TBC1D9B: variants seen among roughly 807,000 people sequenced by gnomAD.
The protein encoded by TBC1D9B is TBC1 domain family member 9B, also known as TBC1 domain family, member 9B (with GRAM domain).
TBC1D9B carries 87 observed loss-of-function variants against 121.1 expected under a neutral mutation model. The ratio of observed to expected loss-of-function variants is 0.72; its 90% CI spans 0.60 to 0.86. The LOEUF (loss-of-function observed/expected upper bound fraction) is 0.86, where lower values mean the gene tolerates loss of function less well. Among genes scored for constraint, TBC1D9B ranks in the 40% least tolerant of loss-of-function variants. TBC1D9B has a pLI of 0.00. For synonymous variants in TBC1D9B, 668 were observed against 670.1 expected, an observed-to-expected ratio of 1.00 and a Z score of 0.05; for missense variants, 1,540 against 1,628.6, an observed-to-expected ratio of 0.95 and a Z score of 0.94.
Position 179,891,004 on chromosome 5 carries a change from T to C in TBC1D9B, c.1044+375A>G, listed in dbSNP as rs1413089571. On this transcript the variant is annotated intron_variant, in intron 6 of 20. Coordinates refer to ENST00000355235, the MANE Select transcript of TBC1D9B (RefSeq NM_015043.4). This position sits in a 1 kb window ranked among gnomAD's most constrained non-coding sequence, Gnocchi z 4.3. ...TGAGGTGGCCTCTGAGAGTGACATA[T>C]GGGACCGGTGCAGGAACACGGTCCT... Among the ~76,000 whole-genome samples, 1 of 152,180 alleles carries C rather than the reference T, an allele frequency of 6.6e-6. No homozygotes were observed. Among genetic ancestry groups the C allele is most frequent in the African/African-American group, 2.4e-5 (1 of 41,446 alleles).
chr5:179,863,918 C>T lies in TBC1D9B; in HGVS notation c.3232G>A (p.Ala1078Thr), dbSNP rs113335971. 106 of 1,613,776 alleles carry T rather than the reference C, an allele frequency of 6.6e-5. 1 individual carries two copies. The Middle Eastern group carries it at 3.5e-3, about 53-fold the overall frequency. ...GCTGGGGGCTGAAGCTCCCTGGCTG[C>T]GTCCTGATGCAGTTCGGGTGCTGGT... ...EPPAPELHQD[A>T]ARELQPPAAG... Residue 1078 changes from alanine to threonine, a missense_variant, in exon 21 of 21, where the codon GCA becomes ACA. Coordinates refer to ENST00000355235, the MANE Select transcript of TBC1D9B (RefSeq NM_015043.4). The surrounding 1 kb of genome is among the most constrained non-coding windows in gnomAD (Gnocchi z 4.5).
At chr5:179,887,305 A>C (rs958863819) in intron 7 of TBC1D9B, among the ~76,000 whole-genome samples, 1 of 152,214 alleles carries the variant, frequency 6.6e-6, no homozygotes. Context: ...AATAAACAGC[A>C]CCTCAAGCCT....
chr5:179,871,427 T>C, intron 15 of TBC1D9B, 35 bp downstream of exon 15: 6 of 1,605,092 alleles, frequency 3.7e-6, no homozygotes, highest in Non-Finnish European at 4.3e-6. Flanking sequence ...GCTAGGAAGC[T>C]AGGAACGGGT....
intron 7 of TBC1D9B, among the ~76,000 whole-genome samples, chr5:179,881,769 A>T (rs984774575): frequency 6.6e-6 from 1 of 152,010 alleles, no homozygotes; most frequent in Non-Finnish European, 1.5e-5. Flanking sequence ...ATAGTTTCTT[A>T]GTCCTCTCTT....
intron 6 of TBC1D9B, 129 bp from the exon 7 acceptor site, chr5:179,888,441 C>A: frequency 1.0e-6 from 1 of 964,110 alleles, no homozygotes; most frequent in East Asian, 2.6e-5. Context: ...CCCAACTGTC[C>A]TCACATTCTG....
At chr5:179,866,459 TC>T (rs2113600327) in intron 18 of TBC1D9B, 1 of 152,484 alleles carries the variant, frequency 6.6e-6, no homozygotes, top group Non-Finnish European at 1.5e-5. Flanking sequence ...CTGGAGCTGT[TC>T]CCCAAAGGCA....
At chr5:179,880,627 G>A (rs1760514732) in intron 7 of TBC1D9B, among the ~76,000 whole-genome samples, 1 of 152,138 alleles carries the variant, frequency 6.6e-6, no homozygotes, top group Non-Finnish European at 1.5e-5. Context: ...TGTGGTGATG[G>A]CTTCATGGGC....
Position 179,863,417 on chromosome 5 carries a change from C to T in TBC1D9B, c.*31G>A. 1.3e-6 allele frequency: 2 copies of T among 1,599,032 alleles called. No individual in the cohort carries two copies. The highest frequency in any genetic ancestry group is 2.2e-5 in the East Asian group (1 of 44,786). ...GAGATGAGGCCAGCCCCACTGATGA[C>T]ACCTTGGGCCAGGCCTCACAGCTGC... On this transcript the variant is annotated 3_prime_UTR_variant, in exon 21 of 21. Transcript: ENST00000355235. The surrounding 1 kb of genome is among the most constrained non-coding windows in gnomAD (Gnocchi z 4.5).
chr5:179,881,945 C>CTTTTTTTTTTTTTTTTTTTTT (rs1561640797), intron 7 of TBC1D9B, among the ~76,000 whole-genome samples: 1 of 139,262 alleles, frequency 7.2e-6, no homozygotes, highest in African/African-American at 3.3e-5. Context: ...ATATACCTTC[C>CTTTTTTTTTTTTTTTTTTTTT]GTTTTTTTTT....
In TBC1D9B at chr5:179,872,848, G is replaced by GC. The variant is rs538109139; in HGVS notation, c.2415+43dup. 1.9e-4 allele frequency: 279 copies of GC among 1,457,290 alleles called. 1 individual carries two copies. In the African/African-American group the frequency reaches 2.2e-3, roughly 12 times the overall value. The allele number at this position is 1,457,290 out of a possible 1,614,324, so 90.3% of individuals were successfully genotyped here. On this transcript the variant is annotated intron_variant, in intron 14 of 20. Transcript: ENST00000355235. ...CCTGCTCTGTGGGGAAGGCACTGCT[G>GC]CCCCCCCAGCCCAGCCCCTGCCCAG... is the stretch of plus-strand genomic sequence containing the variant.
chr5:179,873,128 C>T lies in TBC1D9B; in HGVS notation c.2307G>A (p.Val769=). 1 of 1,611,004 alleles carries T rather than the reference C, an allele frequency of 6.2e-7. No individual in the cohort carries two copies. Among genetic ancestry groups the T allele is most frequent in the Non-Finnish European group, 8.5e-7 (1 of 1,178,556 alleles). ...CCCACTGGGTGCTGACCTCATAGGACACTTTCAGGAGCTCAAAGATGTCCA... is the reference window on the plus strand; with the variant it reads ...CCCACTGGGTGCTGACCTCATAGGATACTTTCAGGAGCTCAAAGATGTCCA... ...AEVDIFELLK[V]SYEKFSSLRA... is the part of the protein sequence containing the mutation. Residue 769 remains valine, a synonymous_variant, in exon 13 of 21, where the codon GTG becomes GTA. Coordinates refer to ENST00000355235, the MANE Select transcript of TBC1D9B (RefSeq NM_015043.4).
rs1403626702 is a variant in TBC1D9B at position 179,874,157 on chromosome 5, T to C, written c.2186+745A>G. Among the ~76,000 whole-genome samples the C allele has an allele frequency of 1.3e-5, 2 of 151,566 alleles. No individual in the cohort carries two copies. The highest frequency in any genetic ancestry group is 2.4e-5 in the African/African-American group (1 of 41,198). On this transcript the variant is annotated intron_variant, in intron 12 of 20. Transcript: ENST00000355235. The surrounding 1 kb of genome is among the most constrained non-coding windows in gnomAD (Gnocchi z 4.3). ...GCACAGAGCTCAGGGCAGGGCAGAG[T>C]GTAGCCAGGAGGGGCCGGGGCTTGA... is the stretch of plus-strand genomic sequence containing the variant.
chr5:179,894,499 T>A lies in TBC1D9B; in HGVS notation c.464A>T (p.Lys155Met). ...GCTGCAGGAGTAGTAATTCACCAGC[T>A]TCTCGCCCTCAGGCATCCCAAACTG... ...RKQFGMPEGE[K>M]LVNYYSCSYW... Residue 155 changes from lysine to methionine, a missense_variant, in exon 4 of 21, where the codon AAG becomes ATG. Coordinates refer to ENST00000355235, the MANE Select transcript of TBC1D9B (RefSeq NM_015043.4). 1 of 1,614,192 alleles carries A rather than the reference T, an allele frequency of 6.2e-7. No homozygotes were observed. The highest frequency in any genetic ancestry group is 8.5e-7 in the Non-Finnish European group (1 of 1,180,018).
chr5:179,871,713 C>T, intron 14 of TBC1D9B, 183 bp from the exon 15 acceptor site: 1 of 582,826 alleles, frequency 1.7e-6, no homozygotes, highest in Non-Finnish European at 3.1e-6. Flanking sequence ...CCTGGCCCCC[C>T]ACCTACCACT....
chr5:179,879,829 T>C, intron 7 of TBC1D9B, 40 bp from the exon 8 acceptor site: 1 of 1,555,818 alleles, frequency 6.4e-7, no homozygotes. Flanking sequence ...CTAACAACTG[T>C]GCTGCCAGGT....
chr5:179,866,087 C>G lies in TBC1D9B; in HGVS notation c.2864-199G>C, dbSNP rs1759998616. 3 of 586,862 alleles carry G rather than the reference C, an allele frequency of 5.1e-6. No homozygotes were observed. The Admixed American group carries it at 9.2e-5, about 18-fold the overall frequency. The allele number at this position is 586,862 out of a possible 1,614,324, so 36.4% of individuals were successfully genotyped here. On this transcript the variant is annotated intron_variant, in intron 18 of 20. Coordinates refer to ENST00000355235, the MANE Select transcript of TBC1D9B (RefSeq NM_015043.4). ...TGGCACCAGAGCAAAAGGGCCTGAG[C>G]ATTCCCTCACTTGGTCAGGTTAAAA...
At chr5:179,872,848 G>GCCCCCCCCCCCCCACCCCCCC in intron 14 of TBC1D9B, 44 bp downstream of exon 14, 3 of 1,457,250 alleles carry the variant, frequency 2.1e-6, no homozygotes, top group African/African-American at 1.5e-5. Flanking sequence ...AGGCACTGCT[G>GCCCCCCCCCCCCCACCCCCCC]CCCCCCCAGC....
chr5:179,870,733 A>C (rs28325), intron 15 of TBC1D9B: 266,603 of 581,110 alleles, frequency 0.46, 64,747 homozygotes, highest in East Asian at 0.77. Flanking sequence ...TGCAGGGGGC[A>C]GAGCTGGTCT....
intron 5 of TBC1D9B, among the ~76,000 whole-genome samples, chr5:179,892,391 T>G (rs1760891604): frequency 6.6e-6 from 1 of 152,262 alleles, no homozygotes; most frequent in African/African-American, 2.4e-5. Context: ...GTGGGTGCAA[T>G]GCAGGAAATG....
Sources: allele counts gnomAD v4.1 joint callset (sites outside exome capture counted in the v4.1 genomes callset), GRCh38; gene constraint gnomAD v4.1.1; non-coding constraint Gnocchi (gnomAD v3.1); transcripts MANE v1.5; gene names NCBI Gene and HGNC (gene_info 2026-07-23, HGNC 2026-07-21).